Variants in GINS2 observed in about 807,000 individuals in gnomAD.
GINS2 encodes DNA replication complex GINS protein PSF2.
A neutral mutation model predicts 21.2 loss-of-function variants in GINS2; 23 were observed. That is an observed-to-expected ratio of 1.08 (90% CI 0.78 to 1.53). The LOEUF (loss-of-function observed/expected upper bound fraction) is 1.53. Among genes scored for constraint, GINS2 ranks in the 40% most tolerant of loss-of-function variants. GINS2 has a pLI of 0.00. For synonymous variants in GINS2, 118 were observed against 85.6 expected (o/e 1.38, Z -2.09); for missense variants, 323 against 233.9 (o/e 1.38, Z -2.49).
intron 2 of GINS2, among the ~76,000 whole-genome samples, chr16:85,686,909 T>G (rs945460844): frequency 2.6e-5 from 4 of 152,258 alleles, no homozygotes; most frequent in Non-Finnish European, 5.9e-5. Context: ...TATATTTATT[T>G]TAAAGCAAAT....
At chr16:85,685,901 C>A (rs189936196) in intron 2 of GINS2, among the ~76,000 whole-genome samples, 2 of 151,400 alleles carry the variant, frequency 1.3e-5, no homozygotes, top group Non-Finnish European at 2.9e-5. Context: ...TCACTCACGG[C>A]TGAGACCCCA....
At chr16:85,681,069 A>G (rs2053728214) in intron 3 of GINS2, among the ~76,000 whole-genome samples, 1 of 152,260 alleles carries the variant, frequency 6.6e-6, no homozygotes, top group South Asian at 2.1e-4. Context: ...TTACTACAGC[A>G]TGATTTTGCC....
At chr16:85,683,481 C>T (rs999320102) in intron 2 of GINS2, among the ~76,000 whole-genome samples, 3 of 152,240 alleles carry the variant, frequency 2.0e-5, no homozygotes, top group African/African-American at 7.2e-5. Flanking sequence ...AAACCCCCAA[C>T]TCCTGATACC....
At chr16:85,683,795 G>T (rs2053753283) in intron 2 of GINS2, among the ~76,000 whole-genome samples, 1 of 152,170 alleles carries the variant, frequency 6.6e-6, no homozygotes, top group Admixed American at 6.5e-5. Context: ...ATCAGCTTAT[G>T]AAACACCTCT....
Position 85,678,153 on chromosome 16 carries a change from A to T in GINS2, c.*59T>A. On this transcript the variant is annotated 3_prime_UTR_variant, in exon 5 of 5. Transcript: ENST00000253462. ...TTTCTAGAGCTCCAGAACCACGAGT[A>T]CCTCATCACGTCCTGAGCGCTCACA... is the stretch of plus-strand genomic sequence containing the variant. 2 of 1,505,008 alleles carry T rather than the reference A, an allele frequency of 1.3e-6. No individual in the cohort carries two copies. The highest frequency in any genetic ancestry group is 1.8e-6 in the Non-Finnish European group (2 of 1,093,464). 93.2% of individuals were successfully genotyped at this position (1,505,008 alleles called of 1,614,324 possible).
intron 2 of GINS2, among the ~76,000 whole-genome samples, chr16:85,684,458 G>GA (rs1206651533): frequency 1.3e-5 from 2 of 152,104 alleles, no homozygotes; most frequent in African/African-American, 4.8e-5. Flanking sequence ...TCACACCTTT[G>GA]AATAACCACT....
chr16:85,683,207 G>A (rs1284998672), intron 2 of GINS2, among the ~76,000 whole-genome samples: 5 of 151,990 alleles, frequency 3.3e-5, no homozygotes, highest in Admixed American at 3.3e-4. Flanking sequence ...ACCCCTCTGA[G>A]CTTGCTTATG....
intron 2 of GINS2, among the ~76,000 whole-genome samples, chr16:85,685,357 C>G (rs1406023138): frequency 1.3e-5 from 2 of 152,046 alleles, no homozygotes; most frequent in South Asian, 2.1e-4. Flanking sequence ...ATTAATGGAG[C>G]CAGGCCTGGT....
At chr16:85,688,407 G>A (rs961788332) in intron 1 of GINS2, among the ~76,000 whole-genome samples, 2 of 151,878 alleles carry the variant, frequency 1.3e-5, no homozygotes, top group Non-Finnish European at 2.9e-5. Context: ...TGCGCCGGGC[G>A]TGGTGGCGGG....
chr16:85,682,673 G>A (rs2053744213), intron 2 of GINS2, among the ~76,000 whole-genome samples: 1 of 152,128 alleles, frequency 6.6e-6, no homozygotes, highest in Admixed American at 6.5e-5. Context: ...TGAAAGCCCA[G>A]CGTCTAGAAT....
chr16:85,687,613 G>A (rs1028005160), intron 1 of GINS2, 39 bp from the exon 2 acceptor site: 9 of 1,270,192 alleles, frequency 7.1e-6, no homozygotes, highest in Admixed American at 4.9e-5. Context: ...GATTGAAAAA[G>A]AACAAAAAAA....
Position 85,686,990 on chromosome 16 carries a change from G to A in GINS2, c.205+470C>T, listed in dbSNP as rs534980364. Among the ~76,000 whole-genome samples, 30 of 152,372 alleles carry A rather than the reference G, an allele frequency of 2.0e-4. 1 individual carries two copies. The highest frequency in any genetic ancestry group is 6.7e-4 in the African/African-American group (28 of 41,596). ...CCTATAATCCCAGCAGATCTGCCAA[G>A]GTGGCCAGATCGCTTGACCCCAGGA... is the stretch of plus-strand genomic sequence containing the variant. On this transcript the variant is annotated intron_variant, in intron 2 of 4. Transcript: ENST00000253462.
chr16:85,688,938 G>A lies in GINS2; in HGVS notation c.-40C>T. 1.4e-6 allele frequency: 2 copies of A among 1,412,040 alleles called. No homozygotes were observed. The highest frequency in any genetic ancestry group is 2.2e-5 in the Admixed American group (1 of 46,470). The allele number at this position is 1,412,040 out of a possible 1,614,324, so 87.5% of individuals were successfully genotyped here. On this transcript the variant is annotated 5_prime_UTR_variant, in exon 1 of 5. Coordinates refer to ENST00000253462, the MANE Select transcript of GINS2 (RefSeq NM_016095.3). ...CAGGCCAGAGCCTCACGGTCTCCTC[G>A]GGCCCCTCAGCGTCCCGGAGGAGAC...
At position 85,687,489 on chromosome 16, in the gene GINS2, C is replaced by T. The variant is rs1340414927; in HGVS notation, c.176G>A (p.Arg59His). 3.1e-6 allele frequency: 5 copies of T among 1,589,626 alleles called. No homozygotes were observed. Among genetic ancestry groups the T allele is most frequent in the Non-Finnish European group, 2.6e-6 (3 of 1,169,900 alleles). ...AINLKQRQKC[R>H]LLPPEWMDVE... The stretch of plus-strand genomic sequence containing the variant: ...ATCCATCCACTCTGGAGGGAGCAGG[C>T]GACATTTCTGTCTTTGTTTCAGGTT... Residue 59 changes from arginine to histidine, a missense_variant, in exon 2 of 5, where the codon CGC becomes CAC. By Grantham distance (29) the Arg-to-His change is conservative. Coordinates refer to ENST00000253462, the MANE Select transcript of GINS2 (RefSeq NM_016095.3).
At chr16:85,684,982 T>C (rs1401099342) in intron 2 of GINS2, among the ~76,000 whole-genome samples, 1 of 151,942 alleles carries the variant, frequency 6.6e-6, no homozygotes, top group Non-Finnish European at 1.5e-5. Context: ...AGAGACAGGG[T>C]TTCACCATGT....
Position 85,678,168 on chromosome 16 carries a change from G to A in GINS2, c.*44C>T, listed in dbSNP as rs757848747. ...AACCACGAGTACCTCATCACGTCCT[G>A]AGCGCTCACATCCCCCAGCAAGCCG... On this transcript the variant is annotated 3_prime_UTR_variant, in exon 5 of 5. Transcript: ENST00000253462. 6 of 1,595,362 alleles carry A rather than the reference G, an allele frequency of 3.8e-6. No homozygotes were observed. The highest frequency in any genetic ancestry group is 1.1e-5 in the South Asian group (1 of 89,706).
At chr16:85,685,681 A>AAAAAAACAAAAAAAAAAAAACAAC (rs2053769855) in intron 2 of GINS2, among the ~76,000 whole-genome samples, 1 of 147,950 alleles carries the variant, frequency 6.8e-6, no homozygotes, top group African/African-American at 2.5e-5. Context: ...AAAAAAAAAA[A>AAAAAAACAAAAAAAAAAAAACAAC]AAAAAAAAAA....
rs144142772 is a variant in GINS2, at chr16:85,680,837, G to A, written c.305+745C>T. 1.1e-3 allele frequency among the ~76,000 whole-genome samples: 174 copies of A among 152,332 alleles called. 2 individuals are homozygous for A. The Middle Eastern group carries it at 0.017, about 15-fold the overall frequency. On this transcript the variant is annotated intron_variant, in intron 3 of 4. Coordinates refer to ENST00000253462, the MANE Select transcript of GINS2 (RefSeq NM_016095.3). ...CAGTGTGAGCCTGAGCCCTCCAGAA[G>A]CAGAGAAAAGAGCTGTAGAGAGGGT... is the stretch of plus-strand genomic sequence containing the variant.
chr16:85,676,836 CAG>C lies in GINS2; in HGVS notation c.*1374_*1375del, dbSNP rs1186014466. The C allele has an allele frequency of 6.6e-6, 1 of 151,734 alleles. No homozygotes were observed. Among genetic ancestry groups the C allele is most frequent in the African/African-American group, 2.4e-5 (1 of 41,314 alleles). The allele number at this position is 151,734 out of a possible 1,614,324, so 9.4% of individuals were successfully genotyped here. A position where few individuals can be genotyped will look rare whatever the true frequency, so the allele number is the denominator to read the frequency against. On this transcript the variant is annotated 3_prime_UTR_variant, in exon 5 of 5. Transcript: ENST00000253462. ...CGCCACTCTACTGCAGCCTGGATGACAGAACGAGACCCTGTCTAAAAAAAAAG... is the reference window on the plus strand; with the variant it reads ...CGCCACTCTACTGCAGCCTGGATGACAACGAGACCCTGTCTAAAAAAAAAG...
Sources: allele counts gnomAD v4.1 joint callset (sites outside exome capture counted in the v4.1 genomes callset), GRCh38; gene constraint gnomAD v4.1.1; transcripts MANE v1.5; gene names NCBI Gene and HGNC (gene_info 2026-07-23, HGNC 2026-07-21).